Variants in PCSK5 observed in about 807,000 individuals in gnomAD.
The protein encoded by PCSK5 is proprotein convertase subtilisin/kexin type 5.
Under a neutral mutation model 233.2 loss-of-function variants are expected in PCSK5, and 129 were observed. The observed-to-expected ratio is 0.55, with a 90% CI of 0.48 to 0.64. PCSK5 has a LOEUF of 0.64. PCSK5 is among the 30% of genes least tolerant of loss of function. The pLI is 0.00. For synonymous variants in PCSK5, 825 were observed against 879.2 expected (o/e 0.94, Z 1.09); for missense variants, 2,076 against 2,430.1 (o/e 0.85, Z 3.06).
intron 5 of PCSK5, among the ~76,000 whole-genome samples, chr9:76,065,790 T>G (rs1307452042): frequency 2.0e-5 from 3 of 152,124 alleles, no homozygotes; most frequent in African/African-American, 7.2e-5. Context: ...TAGTTTCAGG[T>G]CTTACATTTT....
intron 10 of PCSK5, among the ~76,000 whole-genome samples, chr9:76,153,563 A>C (rs1286007195): frequency 6.6e-6 from 1 of 152,208 alleles, no homozygotes; most frequent in Non-Finnish European, 1.5e-5. Context: ...AATGTGCATA[A>C]ATAAGATTAC....
In PCSK5 at chr9:76,223,973, A is replaced by G. The variant is rs1399942012; in HGVS notation, c.2627-3530A>G. On this transcript the variant is annotated intron_variant, in intron 20 of 37. Coordinates refer to ENST00000674117, the MANE Select transcript of PCSK5 (RefSeq NM_001372043.1). ...GGGGCAGTTGCTTATGTAACTAATTAAACATCTACGTAAATATGAGAATGG... is the reference window on the plus strand; with the variant it reads ...GGGGCAGTTGCTTATGTAACTAATTGAACATCTACGTAAATATGAGAATGG... Among the ~76,000 whole-genome samples, 4 of 152,318 alleles carry G rather than the reference A, an allele frequency of 2.6e-5. No homozygotes were observed. In the East Asian group the frequency reaches 5.8e-4, roughly 22 times the overall value.
At chr9:75,982,592 T>A (rs1199685833) in intron 2 of PCSK5, among the ~76,000 whole-genome samples, 2 of 152,170 alleles carry the variant, frequency 1.3e-5, no homozygotes, top group Non-Finnish European at 2.9e-5. Context: ...CTGATTTACC[T>A]TTCCAGAAGT....
At chr9:76,128,320 T>G (rs766111034) in intron 9 of PCSK5, among the ~76,000 whole-genome samples, 30 of 152,154 alleles carry the variant, frequency 2.0e-4, no homozygotes, top group Admixed American at 3.9e-4. Context: ...AGGATTATAT[T>G]CAGGGCACAA....
At chr9:76,151,257 T>C (rs2131799357) in intron 10 of PCSK5, among the ~76,000 whole-genome samples, 1 of 152,322 alleles carries the variant, frequency 6.6e-6, no homozygotes, top group Non-Finnish European at 1.5e-5. Context: ...GGCAGCTCTT[T>C]GATCTCTGGT....
At chr9:76,120,849 T>C (rs541704956) in intron 9 of PCSK5, among the ~76,000 whole-genome samples, 1 of 152,142 alleles carries the variant, frequency 6.6e-6, no homozygotes, top group Non-Finnish European at 1.5e-5. Context: ...TATTATTTCC[T>C]GGATAGCCTT....
chr9:76,183,440 G>A (rs1323310485), intron 16 of PCSK5, among the ~76,000 whole-genome samples: 1 of 152,174 alleles, frequency 6.6e-6, no homozygotes, highest in Non-Finnish European at 1.5e-5. Context: ...GTGCTTAATA[G>A]TTCATATCGT....
chr9:75,924,174 A>G (rs1236691940), intron 1 of PCSK5, among the ~76,000 whole-genome samples: 2 of 152,146 alleles, frequency 1.3e-5, no homozygotes, highest in African/African-American at 2.4e-5. Context: ...GATATCTGAA[A>G]TCATAGAGAT....
chr9:76,349,620 C>A (rs1055760585), intron 35 of PCSK5, among the ~76,000 whole-genome samples: 1 of 152,132 alleles, frequency 6.6e-6, no homozygotes, highest in Non-Finnish European at 1.5e-5. Context: ...AATGACAGAT[C>A]CATCGTTCTA....
rs757204695 is a variant in PCSK5 at position 76,175,261 on chromosome 9, G to GAATC, written c.1900+132_1900+133insAATC. 2.3e-4 allele frequency: 155 copies of GAATC among 685,944 alleles called. 1 individual carries two copies. Among genetic ancestry groups the GAATC allele is most frequent in the Non-Finnish European group, 3.2e-4 (128 of 399,570 alleles). The allele number at this position is 685,944 out of a possible 1,614,324, so 42.5% of individuals were successfully genotyped here. On this transcript the variant is annotated intron_variant, in intron 14 of 37. Transcript: ENST00000674117. Reference sequence around the variant, plus strand: ...GAAATGGAATGGAATGGAATGGAATGGAATGGAATGGAATCGAATCGAATC... The same window carrying GAATC: ...GAAATGGAATGGAATGGAATGGAATGAATCGAATGGAATGGAATCGAATCGAATC...
intron 12 of PCSK5, among the ~76,000 whole-genome samples, chr9:76,165,696 T>G (rs1213279511): frequency 2.0e-5 from 3 of 152,214 alleles, no homozygotes; most frequent in African/African-American, 7.2e-5. Context: ...GGACAGAATT[T>G]CACTGCAAGA....
At chr9:76,353,152 C>A (rs1268925847) in intron 36 of PCSK5, among the ~76,000 whole-genome samples, 2 of 152,212 alleles carry the variant, frequency 1.3e-5, no homozygotes, top group African/African-American at 4.8e-5. Flanking sequence ...CTGAAACATG[C>A]CAAGGTGCTC....
chr9:76,227,132 G>A (rs893413418), intron 20 of PCSK5, among the ~76,000 whole-genome samples: 9 of 152,136 alleles, frequency 5.9e-5, no homozygotes, highest in East Asian at 1.9e-4. Flanking sequence ...AAGACTATAC[G>A]GCCCTCTGTG....
At chr9:76,095,366 A>G (rs557460849) in intron 7 of PCSK5, among the ~76,000 whole-genome samples, 2 of 152,342 alleles carry the variant, frequency 1.3e-5, no homozygotes, top group Non-Finnish European at 2.9e-5. Context: ...CACCCAATTC[A>G]TGGCAGATTT....
rs759516370 is a variant in PCSK5, at chr9:76,358,535, C to T, written c.5277C>T (p.Ser1759=). 4.3e-6 allele frequency: 7 copies of T among 1,611,208 alleles called. No homozygotes were observed. The South Asian group carries it at 6.6e-5, about 15-fold the overall frequency. Residue 1759 remains serine, a synonymous_variant, in exon 38 of 38, where the codon AGC becomes AGT. Coordinates refer to ENST00000674117, the MANE Select transcript of PCSK5 (RefSeq NM_001372043.1). ...CAGACGAATGCATCCTTCGAACAAGCAAGGTTAGGCCTGCAACTGAGCATT... is the reference window on the plus strand; with the variant it reads ...CAGACGAATGCATCCTTCGAACAAGTAAGGTTAGGCCTGCAACTGAGCATT... ...DTTDECILRT[S]KVRPATEHFK... is the part of the protein sequence containing the mutation.
intron 31 of PCSK5, among the ~76,000 whole-genome samples, chr9:76,321,917 T>C (rs1829217596): frequency 2.0e-5 from 3 of 152,042 alleles, no homozygotes; most frequent in Admixed American, 6.6e-5. Flanking sequence ...CTATCCTAGG[T>C]GCTAGAGGTA....
At position 75,983,062 on chromosome 9, in the gene PCSK5, A is replaced by G. The variant is rs560992850; in HGVS notation, c.298-3070A>G. Among the ~76,000 whole-genome samples, 26 of 152,226 alleles carry G rather than the reference A, an allele frequency of 1.7e-4. No homozygotes were observed. The South Asian group carries it at 4.3e-3, about 25-fold the overall frequency. On this transcript the variant is annotated intron_variant, in intron 2 of 37. Coordinates refer to ENST00000674117, the MANE Select transcript of PCSK5 (RefSeq NM_001372043.1). ...ACTGATTTAGAATAATACCATTATCATATACTGTATTCTTACATGTTTTGG... is the reference window on the plus strand; with the variant it reads ...ACTGATTTAGAATAATACCATTATCGTATACTGTATTCTTACATGTTTTGG...
At chr9:76,097,246 C>CTGTTT (rs1831563669) in intron 8 of PCSK5, among the ~76,000 whole-genome samples, 1 of 67,328 alleles carries the variant, frequency 1.5e-5, no homozygotes, top group Non-Finnish European at 2.5e-5. Flanking sequence ...AAGTGCATTT[C>CTGTTT]TTTTTTTTTT....
At chr9:76,075,213 C>T (rs1830604215) in intron 7 of PCSK5, among the ~76,000 whole-genome samples, 1 of 148,716 alleles carries the variant, frequency 6.7e-6, no homozygotes, top group Admixed American at 6.7e-5. Flanking sequence ...GAGTAAGACT[C>T]CGTCTCAATA....
Sources: allele counts gnomAD v4.1 joint callset (sites outside exome capture counted in the v4.1 genomes callset), GRCh38; gene constraint gnomAD v4.1.1; transcripts MANE v1.5; gene names NCBI Gene and HGNC (gene_info 2026-07-23, HGNC 2026-07-21).